Variants in SLC23A2 observed in about 807,000 individuals in gnomAD.
SLC23A2 encodes solute carrier family 23 member 2, also known as Na(+)/L-ascorbic acid transporter 2.
SLC23A2 carries 36 observed loss-of-function variants against 73.3 expected under a neutral mutation model. The ratio of observed to expected loss-of-function variants is 0.49; its 90% CI spans 0.38 to 0.65. SLC23A2 has a LOEUF of 0.65. Ranked by LOEUF, SLC23A2 falls within the 30% of genes least tolerant of loss-of-function variation. The probability of loss-of-function intolerance (pLI) is 0.00; values close to 1 mark genes in which losing one functional copy is unlikely to be tolerated. For synonymous variants in SLC23A2, 343 were observed against 327.3 expected (o/e 1.05, Z -0.52); for missense variants, 507 against 841.6 (o/e 0.60, Z 4.92).
chr20:5,003,662 C>T (rs1178942281), upstream of SLC23A2, among the ~76,000 whole-genome samples: 2 of 151,990 alleles, frequency 1.3e-5, no homozygotes, highest in African/African-American at 2.4e-5. Flanking sequence ...GTGGAATCTT[C>T]AGTGTCTCCC....
intron 9 of SLC23A2, among the ~76,000 whole-genome samples, chr20:4,876,740 C>G (rs1930670108): frequency 1.3e-5 from 2 of 152,198 alleles, no homozygotes; most frequent in African/African-American, 4.8e-5. Context: ...CCCTGAAGAT[C>G]ATCCATAATC....
At chr20:4,938,030 CTT>C (rs372042944) in intron 2 of SLC23A2, among the ~76,000 whole-genome samples, 3,478 of 138,124 alleles carry the variant, frequency 0.025, 119 homozygotes, top group African/African-American at 0.088. Context: ...CTCATTCCAT[CTT>C]TTTTTTTTTT....
chr20:4,980,541 T>C (rs2087709999), intron 1 of SLC23A2, among the ~76,000 whole-genome samples: 1 of 151,894 alleles, frequency 6.6e-6, no homozygotes, highest in African/African-American at 2.4e-5. Context: ...TCTTTTCTTT[T>C]TTTTTTTTGA....
intron 1 of SLC23A2, among the ~76,000 whole-genome samples, chr20:4,973,854 C>T (rs1474540252): frequency 5.3e-5 from 8 of 152,162 alleles, no homozygotes; most frequent in Non-Finnish European, 8.8e-5. Flanking sequence ...GTTCACAGTG[C>T]TTCTGTTGCT....
intron 1 of SLC23A2, among the ~76,000 whole-genome samples, chr20:4,984,515 T>G (rs1218733710): frequency 6.6e-6 from 1 of 151,034 alleles, no homozygotes; most frequent in Non-Finnish European, 1.5e-5. Flanking sequence ...ATTGCACCAC[T>G]GCACTCCAGC....
In SLC23A2 at chr20:4,874,461, A is replaced by G. The variant is rs72552223; in HGVS notation, c.945+115T>C. The G allele has an allele frequency of 2.0e-3, 1,825 of 935,638 alleles. 24 individuals carry two copies. The African/African-American group carries it at 0.028, about 14-fold the overall frequency. 58.0% of individuals were successfully genotyped at this position (935,638 alleles called of 1,614,324 possible). A position where few individuals can be genotyped will look rare whatever the true frequency, so the allele number is the denominator to read the frequency against. The stretch of plus-strand genomic sequence containing the variant: ...GAGTGGTCATTAGTAGCCTGGTCTC[A>G]CTGCACAGATATGATCCCCCAAGGA... On this transcript the variant is annotated intron_variant, in intron 10 of 16. Coordinates refer to ENST00000338244, the MANE Select transcript of SLC23A2 (RefSeq NM_005116.6).
chr20:4,923,812 T>C (rs944472241), intron 3 of SLC23A2, among the ~76,000 whole-genome samples: 2 of 152,260 alleles, frequency 1.3e-5, no homozygotes, highest in Middle Eastern at 3.4e-3. Context: ...AGAATGAAGG[T>C]AGTTGCACCA....
chr20:4,969,155 C>G (rs1440131087), intron 2 of SLC23A2, among the ~76,000 whole-genome samples: 1 of 151,762 alleles, frequency 6.6e-6, no homozygotes, highest in Non-Finnish European at 1.5e-5. Flanking sequence ...GGCACAATCT[C>G]GGCTCACTGC....
intron 3 of SLC23A2, among the ~76,000 whole-genome samples, chr20:4,926,510 C>CTTTT (rs3055953): frequency 1.9e-5 from 2 of 105,044 alleles, no homozygotes; most frequent in Non-Finnish European, 3.9e-5. Context: ...ATTTTTTTTG[C>CTTTT]TTTTTTTTTT....
At chr20:4,906,797 G>C (rs1931972896) in intron 4 of SLC23A2, among the ~76,000 whole-genome samples, 1 of 152,074 alleles carries the variant, frequency 6.6e-6, no homozygotes, top group South Asian at 2.1e-4. Context: ...TCATCAACAA[G>C]GACAAAGCAA....
chr20:4,981,271 A>G (rs1262624053), intron 1 of SLC23A2, among the ~76,000 whole-genome samples: 1 of 152,240 alleles, frequency 6.6e-6, no homozygotes, highest in Non-Finnish European at 1.5e-5. Flanking sequence ...TATTACGTTA[A>G]AAGAAAGTGC....
chr20:4,869,329 C>CAA (rs1421843627), intron 12 of SLC23A2, among the ~76,000 whole-genome samples: 14 of 79,998 alleles, frequency 1.8e-4, no homozygotes, highest in Admixed American at 1.5e-3. Flanking sequence ...TAAAAACAAA[C>CAA]AAACAAAAAA....
intron 2 of SLC23A2, among the ~76,000 whole-genome samples, chr20:4,961,822 T>A (rs2087395078): frequency 6.6e-6 from 1 of 152,178 alleles, no homozygotes; most frequent in Non-Finnish European, 1.5e-5. Flanking sequence ...AGAGAATCTC[T>A]AACTAAGCCA....
At chr20:4,919,174 C>T (rs1004483936) in intron 3 of SLC23A2, among the ~76,000 whole-genome samples, 1 of 152,224 alleles carries the variant, frequency 6.6e-6, no homozygotes, top group African/African-American at 2.4e-5. Context: ...TAGATTACAT[C>T]ATCTCAAAAA....
intron 13 of SLC23A2, among the ~76,000 whole-genome samples, chr20:4,866,222 T>C (rs1930192368): frequency 6.6e-6 from 1 of 152,218 alleles, no homozygotes; most frequent in South Asian, 2.1e-4. Context: ...TCAGACTGCA[T>C]TGTTCAGAGA....
chr20:4,860,708 T>A (rs1308259738), intron 15 of SLC23A2, among the ~76,000 whole-genome samples: 1 of 152,170 alleles, frequency 6.6e-6, no homozygotes, highest in African/African-American at 2.4e-5. Context: ...GATAAACAAT[T>A]TATGGTATAT....
chr20:4,944,818 G>T (rs1391227508), intron 2 of SLC23A2, among the ~76,000 whole-genome samples: 2 of 152,138 alleles, frequency 1.3e-5, no homozygotes, highest in African/African-American at 4.8e-5. Context: ...GCCAATCCAT[G>T]GCTCTTTGCT....
chr20:5,003,263 A>C (rs1217890385), upstream of SLC23A2, among the ~76,000 whole-genome samples: 1 of 152,122 alleles, frequency 6.6e-6, no homozygotes, highest in East Asian at 1.9e-4. Flanking sequence ...GGGCGCCTGT[A>C]GTCCCAGCTA....
intron 3 of SLC23A2, among the ~76,000 whole-genome samples, chr20:4,916,765 A>G (rs1335590762): frequency 6.6e-6 from 1 of 152,222 alleles, no homozygotes; most frequent in African/African-American, 2.4e-5. Flanking sequence ...GTACCCATAC[A>G]ACCCCTCTGC....
Sources: gnomAD v4.1 joint callset for allele counts (sites outside exome capture counted in the v4.1 genomes callset) on GRCh38, gnomAD v4.1.1 for gene constraint, MANE v1.5 for transcripts, NCBI Gene and HGNC (gene_info 2026-07-23, HGNC 2026-07-21) for gene names.